Variants in FAM124A observed in about 807,000 individuals in gnomAD.
The protein encoded by FAM124A is protein FAM124A.
FAM124A carries 23 observed loss-of-function variants against 24.5 expected under a neutral mutation model. The ratio of observed to expected loss-of-function variants is 0.94; its 90% CI spans 0.68 to 1.33. The LOEUF is 1.33. Among genes scored for constraint, FAM124A ranks in the 40% most tolerant of loss-of-function variants. The probability of loss-of-function intolerance (pLI) is 0.00; values close to 1 mark genes in which losing one functional copy is unlikely to be tolerated. For missense variants in FAM124A, 623 were observed against 722.8 expected, an observed-to-expected ratio of 0.86 and a Z score of 1.58; for synonymous variants, 287 against 314.7, an observed-to-expected ratio of 0.91 and a Z score of 0.93.
intron 2 of FAM124A, among the ~76,000 whole-genome samples, chr13:51,231,913 T>A (rs904235595): frequency 3.9e-5 from 6 of 152,250 alleles, no homozygotes; most frequent in Non-Finnish European, 8.8e-5. Context: ...TCCCTAATTA[T>A]AACCTACATT....
In FAM124A at chr13:51,280,825, G is replaced by A. The variant is rs774013147; in HGVS notation, c.1210G>A (p.Asp404Asn). 6.8e-6 allele frequency: 11 copies of A among 1,613,958 alleles called. No individual in the cohort carries two copies. The highest frequency in any genetic ancestry group is 6.7e-5 in the African/African-American group (5 of 74,938). Residue 404 changes from aspartate (D) to asparagine (N), a missense_variant, in exon 4 of 4, where the codon GAT (aspartate) becomes AAT (asparagine). Asp to Asn is a conservative substitution (Grantham distance 23, BLOSUM62 1). Transcript: ENST00000322475. ...EWRHGHLLSI[D>N]DLEGAQETDV... The stretch of plus-strand genomic sequence containing the variant: ...GAGGCATGGCCACCTCCTCTCCATC[G>A]ATGACCTAGAGGGGGCCCAGGAGAC...
chr13:51,233,247 TC>T (rs1954398711), intron 2 of FAM124A, among the ~76,000 whole-genome samples: 1 of 152,120 alleles, frequency 6.6e-6, no homozygotes, highest in Non-Finnish European at 1.5e-5. Context: ...GCTTTTGGCT[TC>T]CTTCCTCAAG....
intron 2 of FAM124A, among the ~76,000 whole-genome samples, chr13:51,235,971 G>A (rs1954430906): frequency 6.6e-6 from 1 of 152,136 alleles, no homozygotes; most frequent in African/African-American, 2.4e-5. Context: ...CAACCTCCTG[G>A]GGACTCAGAT....
intron 3 of FAM124A, among the ~76,000 whole-genome samples, chr13:51,267,891 G>A (rs890838312): frequency 5.9e-5 from 9 of 152,164 alleles, no homozygotes; most frequent in African/African-American, 2.2e-4. Context: ...AGCTGTAGTC[G>A]GTGTGTCAAG....
At chr13:51,225,659 A>T (rs565309766) in intron 1 of FAM124A, among the ~76,000 whole-genome samples, 1 of 152,198 alleles carries the variant, frequency 6.6e-6, no homozygotes, top group Non-Finnish European at 1.5e-5. Context: ...AAGATGAGGA[A>T]CGCTAAATGT....
Position 51,280,296 on chromosome 13 carries a change from T to A in FAM124A, c.835-154T>A, listed in dbSNP as rs905872752. 3.3e-5 allele frequency among the ~76,000 whole-genome samples: 5 copies of A among 152,276 alleles called. No homozygotes were observed. The South Asian group carries it at 6.2e-4, about 19-fold the overall frequency. On this transcript the variant is annotated intron_variant, in intron 3 of 3. Transcript: ENST00000322475. ...TGGTGCTCCTCAAAGCTCTGCTACC[T>A]CTGTCTTTGCTCTAGAGATTGCAGA...
intron 2 of FAM124A, among the ~76,000 whole-genome samples, chr13:51,241,741 CAA>C (rs35118963): frequency 0.32 from 47,325 of 149,280 alleles, 9,236 homozygotes; most frequent in Non-Finnish European, 0.43. Context: ...AATTTTAGGC[CAA>C]AAAAAAAAAA....
intron 2 of FAM124A, among the ~76,000 whole-genome samples, chr13:51,249,010 T>G (rs747693446): frequency 2.6e-5 from 4 of 152,226 alleles, no homozygotes; most frequent in Non-Finnish European, 5.9e-5. Context: ...ACTACTGAAT[T>G]GAGCTGAGGC....
In FAM124A at chr13:51,280,920, T is replaced by C; in HGVS notation, c.1305T>C (p.Ser435=). The part of the protein sequence containing the change: ...LSVVSAYSAP[S]RFCSTVETPL... ...TGGTCTCTGCATATTCTGCACCCAG[T>C]AGGTTCTGCAGCACAGTGGAGACAC... Residue 435 remains serine (S), a synonymous_variant, in exon 4 of 4, where the codon AGT becomes AGC. Coordinates refer to ENST00000322475, the MANE Select transcript of FAM124A (RefSeq NM_001242312.2). 1 of 1,614,070 alleles carries C rather than the reference T, an allele frequency of 6.2e-7. No homozygotes were observed. Among genetic ancestry groups the C allele is most frequent in the Non-Finnish European group, 8.5e-7 (1 of 1,180,000 alleles).
chr13:51,280,145 C>T (rs542535868), intron 3 of FAM124A, among the ~76,000 whole-genome samples: 1 of 152,312 alleles, frequency 6.6e-6, no homozygotes, highest in Admixed American at 6.5e-5. Flanking sequence ...CAGCCAGGCC[C>T]ATGTTCTTTT....
chr13:51,241,651 T>C (rs2137662935), intron 2 of FAM124A, among the ~76,000 whole-genome samples: 1 of 152,304 alleles, frequency 6.6e-6, no homozygotes, highest in East Asian at 1.9e-4. Flanking sequence ...AGTACACATT[T>C]TCTAAGGAGA....
chr13:51,278,785 C>G (rs1954908740), intron 3 of FAM124A, among the ~76,000 whole-genome samples: 1 of 152,198 alleles, frequency 6.6e-6, no homozygotes, highest in Non-Finnish European at 1.5e-5. Context: ...GTTAAACAAG[C>G]ACAGTCGTGA....
At chr13:51,228,252 G>T (rs975648090) in intron 1 of FAM124A, among the ~76,000 whole-genome samples, 1 of 151,894 alleles carries the variant, frequency 6.6e-6, no homozygotes, top group African/African-American at 2.4e-5. Flanking sequence ...ATATCATTTG[G>T]TAGCTAGGCT....
intron 1 of FAM124A, among the ~76,000 whole-genome samples, chr13:51,224,682 G>A (rs1954298959): frequency 6.6e-6 from 1 of 152,148 alleles, no homozygotes; most frequent in Non-Finnish European, 1.5e-5. Context: ...AGATTATGTA[G>A]AAAGCACATA....
At position 51,281,149 on chromosome 13, in the gene FAM124A, C is replaced by T; in HGVS notation, c.1534C>T (p.Gln512Ter). Residue 512 changes from glutamine to a stop codon, truncating the protein, a stop_gained, in exon 4 of 4, where the codon CAG (glutamine) becomes TAG (stop). Transcript: ENST00000322475. LOFTEE classifies it low-confidence loss of function (END_TRUNC). ...STSTLTDSSP[Q>*]LPCDTPKVKQ... ...CTCCACCCTCACAGACTCCTCCCCA[C>T]AGCTCCCATGCGATACCCCCAAAGT... The T allele has an allele frequency of 6.2e-7, 1 of 1,614,100 alleles. No homozygotes were observed. The highest frequency in any genetic ancestry group is 1.3e-5 in the African/African-American group (1 of 75,026).
At chr13:51,270,546 C>A (rs529165240) in intron 3 of FAM124A, among the ~76,000 whole-genome samples, 9 of 152,338 alleles carry the variant, frequency 5.9e-5, no homozygotes, top group African/African-American at 1.9e-4. Context: ...ATAGTGAATT[C>A]TTGACCTGTT....
intron 1 of FAM124A, among the ~76,000 whole-genome samples, chr13:51,224,472 C>A (rs1262441744): frequency 6.6e-6 from 1 of 150,566 alleles, no homozygotes. Context: ...ACTCCATCTC[C>A]AAAAAAAAAG....
chr13:51,274,571 A>C lies in FAM124A; in HGVS notation c.835-5879A>C, dbSNP rs1306445336. ...TTAGATGTTGCTACTGCTTTTCCCA[A>C]AAATATCAGAGTCCTCATAACTTTT... On this transcript the variant is annotated intron_variant, in intron 3 of 3. Transcript: ENST00000322475. Among the ~76,000 whole-genome samples, 31 of 152,218 alleles carry C rather than the reference A, an allele frequency of 2.0e-4. 1 individual carries two copies. Among genetic ancestry groups the C allele is most frequent in the Non-Finnish European group, 4.6e-4 (31 of 68,040 alleles).
chr13:51,244,087 A>G (rs1954530796), intron 2 of FAM124A, among the ~76,000 whole-genome samples: 1 of 152,228 alleles, frequency 6.6e-6, no homozygotes, highest in South Asian at 2.1e-4. Flanking sequence ...AACCTGCAAC[A>G]GCTGGAGGTG....
Sources: allele counts gnomAD v4.1 joint callset (sites outside exome capture counted in the v4.1 genomes callset), GRCh38; gene constraint gnomAD v4.1.1; transcripts MANE v1.5; gene names NCBI Gene and HGNC (gene_info 2026-07-23, HGNC 2026-07-21).